PCDHGB4: variants seen among roughly 807,000 people sequenced by gnomAD.
The protein encoded by PCDHGB4 is protocadherin gamma subfamily B, 4, also known as protocadherin gamma-B4.
In PCDHGB4, 38 loss-of-function variants were observed where a neutral mutation model predicts 60.5. The observed-to-expected ratio is 0.63, with a 90% CI of 0.48 to 0.82. PCDHGB4 has a LOEUF of 0.82. Ranked by LOEUF, PCDHGB4 falls within the 40% of genes least tolerant of loss-of-function variation. The probability of loss-of-function intolerance (pLI) is 0.00; values close to 1 mark genes in which losing one functional copy is unlikely to be tolerated. For synonymous variants in PCDHGB4, 456 were observed against 509.7 expected, an observed-to-expected ratio of 0.89 and a Z score of 1.42; for missense variants, 1,109 against 1,209.6, an observed-to-expected ratio of 0.92 and a Z score of 1.23.
At chr5:141,399,001 T>C in intron 1 of PCDHGB4, 1 of 1,613,890 alleles carries the variant, frequency 6.2e-7, no homozygotes, top group Non-Finnish European at 8.5e-7. Context: ...TAGTCTGAAT[T>C]CAAAGAGCGG....
intron 1 of PCDHGB4, among the ~76,000 whole-genome samples, chr5:141,457,975 C>T (rs2098934043): frequency 6.6e-6 from 1 of 152,202 alleles, no homozygotes; most frequent in South Asian, 2.1e-4. Context: ...AAGGGAAACA[C>T]ACCCTTTCAG....
At chr5:141,478,620 G>A (rs1400703951) in intron 1 of PCDHGB4, 2 of 1,555,472 alleles carry the variant, frequency 1.3e-6, no homozygotes, top group East Asian at 2.4e-5. Context: ...AAGGAATGGA[G>A]CTGTTTTTTT....
Position 141,491,793 on chromosome 5 carries a change from C to A in PCDHGB4, c.2398-3014C>A. 6.6e-7 allele frequency: 1 copy of A among 1,511,410 alleles called. No homozygotes were observed. The highest frequency in any genetic ancestry group is 1.3e-5 in the South Asian group (1 of 77,572). The allele number at this position is 1,511,410 out of a possible 1,614,324, so 93.6% of individuals were successfully genotyped here. On this transcript the variant is annotated intron_variant, in intron 1 of 3. Coordinates refer to ENST00000519479, the MANE Select transcript of PCDHGB4 (RefSeq NM_003736.4). This position sits in a 1 kb window ranked among gnomAD's most constrained non-coding sequence, Gnocchi z 6.9. ...AGGGATTGAACTTGCATCCACTCCT[C>A]TCCGGCCGGCTTGGTCGCTGGCTGC...
intron 1 of PCDHGB4, chr5:141,409,612 C>T: frequency 6.2e-7 from 1 of 1,613,908 alleles, no homozygotes; most frequent in Non-Finnish European, 8.5e-7. Flanking sequence ...CAGGAGCCTC[C>T]ATTGCGCAAG....
intron 1 of PCDHGB4, chr5:141,403,303 C>T (rs1561687273): frequency 1.9e-6 from 3 of 1,613,820 alleles, no homozygotes; most frequent in South Asian, 2.2e-5. Flanking sequence ...TGAAACTGTA[C>T]GGAATAGAAA....
At chr5:141,438,418 G>C (rs2097959406) in intron 1 of PCDHGB4, among the ~76,000 whole-genome samples, 1 of 151,534 alleles carries the variant, frequency 6.6e-6, no homozygotes, top group Admixed American at 6.6e-5. Flanking sequence ...ATTTCACACA[G>C]TAGTTTGTAC....
intron 1 of PCDHGB4, chr5:141,394,176 G>A: frequency 6.2e-7 from 1 of 1,613,790 alleles, no homozygotes; most frequent in Non-Finnish European, 8.5e-7. Flanking sequence ...TTTCCCTCAT[G>A]CCTCCTACTC....
chr5:141,405,800 C>T (rs1034546914), intron 1 of PCDHGB4, among the ~76,000 whole-genome samples: 11 of 147,346 alleles, frequency 7.5e-5, no homozygotes, highest in African/African-American at 2.5e-4. Flanking sequence ...TTATAGTTAG[C>T]TTTCTCTTTA....
intron 1 of PCDHGB4, chr5:141,400,290 C>G (rs1455484413): frequency 3.1e-6 from 5 of 1,613,972 alleles, no homozygotes; most frequent in Non-Finnish European, 3.4e-6. Context: ...CCGCCTGGAG[C>G]TGCTTCCAAC....
chr5:141,420,067 A>G (rs2096463342), intron 1 of PCDHGB4: 2 of 1,614,034 alleles, frequency 1.2e-6, no homozygotes, highest in East Asian at 2.2e-5. Flanking sequence ...CCAAGTCCGG[A>G]CCTGTGGGTC....
At chr5:141,500,991 C>T (rs2099804636) in intron 2 of PCDHGB4, among the ~76,000 whole-genome samples, 1 of 152,024 alleles carries the variant, frequency 6.6e-6, no homozygotes, top group South Asian at 2.1e-4. Flanking sequence ...GCCTCAGCCT[C>T]CTGAGTAGCT....
At position 141,491,303 on chromosome 5, in the gene PCDHGB4, C is replaced by T; in HGVS notation, c.2398-3504C>T. On this transcript the variant is annotated intron_variant, in intron 1 of 3. Coordinates refer to ENST00000519479, the MANE Select transcript of PCDHGB4 (RefSeq NM_003736.4). This position sits in a 1 kb window ranked among gnomAD's most constrained non-coding sequence, Gnocchi z 6.9. ...TTCCTCATACACCCTCCTGAGCGTT[C>T]AGACCTTACCCTTTACCTCATTGTG... 6.2e-7 allele frequency: 1 copy of T among 1,614,132 alleles called. No homozygotes were observed. The highest frequency in any genetic ancestry group is 8.5e-7 in the Non-Finnish European group (1 of 1,179,962).
chr5:141,408,660 C>A, intron 1 of PCDHGB4: 3 of 1,613,980 alleles, frequency 1.9e-6, no homozygotes, highest in Non-Finnish European at 1.7e-6. Flanking sequence ...ACACGACTAT[C>A]GCTTGACCCT....
Position 141,423,156 on chromosome 5 carries a change from CGTG to C in PCDHGB4, c.2397+32880_2397+32882del, listed in dbSNP as rs776903094. On this transcript the variant is annotated intron_variant, in intron 1 of 3. Coordinates refer to ENST00000519479, the MANE Select transcript of PCDHGB4 (RefSeq NM_003736.4). ...ACAGAGACGCGCTCAAGCAGAGCCT[CGTG>C]GTGGCCGTCCAGGACCACGGCCAGC... 8.2e-4 allele frequency: 1,328 copies of C among 1,613,396 alleles called. 15 individuals are homozygous for C. Among genetic ancestry groups the C allele is most frequent in the Admixed American group, 9.5e-4 (57 of 60,016 alleles).
At chr5:141,392,870 G>T (rs757363357) in intron 1 of PCDHGB4, 8 of 1,613,226 alleles carry the variant, frequency 5.0e-6, no homozygotes, top group Non-Finnish European at 6.8e-6. Context: ...TGTGCGCGCT[G>T]CTGGGAACGC....
intron 1 of PCDHGB4, chr5:141,418,465 A>G (rs2096261082): frequency 6.2e-7 from 1 of 1,614,022 alleles, no homozygotes; most frequent in Non-Finnish European, 8.5e-7. Context: ...CTCTGGACCG[A>G]GAAACGCAGA....
intron 1 of PCDHGB4, chr5:141,409,346 G>A (rs573212606): frequency 4.3e-6 from 7 of 1,613,998 alleles, no homozygotes; most frequent in South Asian, 2.2e-5. Context: ...AAATGGAGAA[G>A]TCAGGTGTAA....
intron 1 of PCDHGB4, chr5:141,415,216 A>C: frequency 6.2e-7 from 1 of 1,614,086 alleles, no homozygotes; most frequent in African/African-American, 1.3e-5. Flanking sequence ...GGACCTCGGC[A>C]GCTTCGAGTC....
Position 141,420,738 on chromosome 5 carries a change from T to C in PCDHGB4, c.2397+30457T>C, listed in dbSNP as rs550966989. 1.5e-4 allele frequency among the ~76,000 whole-genome samples: 23 copies of C among 152,358 alleles called. 1 individual carries two copies. In the South Asian group the frequency reaches 4.6e-3, roughly 30 times the overall value. ...GTTCCTTTCAGTCGGTTAAAATCAA[T>C]TGGAACCAACTACAACCTACAAGTT... On this transcript the variant is annotated intron_variant, in intron 1 of 3. Transcript: ENST00000519479.
Sources: gnomAD v4.1 joint callset for allele counts (sites outside exome capture counted in the v4.1 genomes callset) on GRCh38, gnomAD v4.1.1 for gene constraint, Gnocchi (gnomAD v3.1) non-coding constraint, MANE v1.5 for transcripts, NCBI Gene and HGNC (gene_info 2026-07-23, HGNC 2026-07-21) for gene names.